The following ZNF782 variants were observed in gnomAD, a reference collection of about 807,000 sequenced individuals.
ZNF782 encodes the protein zinc finger protein 782.
In ZNF782, 12 loss-of-function variants were observed where a neutral mutation model predicts 13.0. The ratio of observed to expected loss-of-function variants is 0.92; its 90% confidence interval spans 0.59 to 1.50. The LOEUF (loss-of-function observed/expected upper bound fraction) is 1.50. Among genes scored for constraint, ZNF782 ranks in the 40% most tolerant of loss-of-function variants. The pLI is 0.00. For missense variants in ZNF782, 770 were observed against 822.9 expected, an observed-to-expected ratio of 0.94 and a Z score of 0.79; for synonymous variants, 284 against 283.0, an observed-to-expected ratio of 1.00 and a Z score of -0.04.
chr9:96,862,362 C>T (rs1382002008), intron 1 of ZNF782, among the ~76,000 whole-genome samples: 2 of 152,020 alleles, frequency 1.3e-5, no homozygotes, highest in East Asian at 3.8e-4. Context: ...TTTTATAGTG[C>T]CTAAAATAGT....
chr9:96,901,461 G>A, the ZNF782 span, among the ~76,000 whole-genome samples: 2 of 150,896 alleles, frequency 1.3e-5, no homozygotes, highest in East Asian at 4.1e-4. Context: ...TAGTAGAGAC[G>A]AGGTTTCATT....
At chr9:96,899,469 T>G in the ZNF782 span, among the ~76,000 whole-genome samples, 1 of 152,236 alleles carries the variant, frequency 6.6e-6, no homozygotes, top group Non-Finnish European at 1.5e-5. Flanking sequence ...GGAGCTCTCT[T>G]TAAAGATCTT....
At chr9:96,890,411 G>A in the ZNF782 span, 3 of 152,364 alleles carry the variant, frequency 2.0e-5, no homozygotes, top group Non-Finnish European at 4.4e-5. Context: ...TGGTGACAAG[G>A]GGTCCAGGGG....
At chr9:96,832,014 CATTTT>C (rs1254433344) in intron 4 of ZNF782, among the ~76,000 whole-genome samples, 1 of 151,872 alleles carries the variant, frequency 6.6e-6, no homozygotes, top group Non-Finnish European at 1.5e-5. Flanking sequence ...GATAAGCTGC[CATTTT>C]ATTTGTTTTT....
At chr9:96,846,788 C>A (rs1240909780) in intron 3 of ZNF782, among the ~76,000 whole-genome samples, 1 of 151,282 alleles carries the variant, frequency 6.6e-6, no homozygotes, top group Non-Finnish European at 1.5e-5. Context: ...CAGATCAAGA[C>A]AGAAAGCCAA....
intron 3 of ZNF782, among the ~76,000 whole-genome samples, chr9:96,848,375 C>T (rs1356728803): frequency 6.6e-6 from 1 of 152,156 alleles, no homozygotes; most frequent in East Asian, 1.9e-4. Flanking sequence ...AGTCAAACTA[C>T]TGCTGTTTGT....
chr9:96,923,840 T>C, the ZNF782 span, among the ~76,000 whole-genome samples: 4 of 144,738 alleles, frequency 2.8e-5, no homozygotes, highest in Non-Finnish European at 5.9e-5. Context: ...TGACCTTCTT[T>C]ACTTTTCCTT....
chr9:96,818,551 G>C lies in ZNF782; in HGVS notation c.1472C>G (p.Ser491Ter). The change falls in exon 6 of 6, where the codon TCA becomes TGA. Residue 491 changes from serine (S) to a stop codon, truncating the protein, a stop_gained. Coordinates refer to ENST00000481138, the MANE Select transcript of ZNF782 (RefSeq NM_001001662.3). LOFTEE classifies it low-confidence loss of function (END_TRUNC). Reference sequence around the variant, plus strand: ...AGTTCTTCGGTGATTCCTTAGGCCTGACATATGGCTGAAAGATTTCCCGCA... The same window carrying C: ...AGTTCTTCGGTGATTCCTTAGGCCTCACATATGGCTGAAAGATTTCCCGCA... ...NECGKSFSHM[S>*]GLRNHRRTHT... 1 of 1,613,800 alleles carries C rather than the reference G, an allele frequency of 6.2e-7. No individual in the cohort carries two copies. Among genetic ancestry groups the C allele is most frequent in the Non-Finnish European group, 8.5e-7 (1 of 1,179,946 alleles).
At chr9:96,912,682 T>C in the ZNF782 span, among the ~76,000 whole-genome samples, 1 of 151,378 alleles carries the variant, frequency 6.6e-6, no homozygotes, top group Non-Finnish European at 1.5e-5. Context: ...GCGTATGCCA[T>C]CACGCCTGGC....
upstream of ZNF782, among the ~76,000 whole-genome samples, chr9:96,876,738 G>A (rs559406315): frequency 3.3e-5 from 5 of 152,114 alleles, no homozygotes; most frequent in African/African-American, 1.2e-4. Context: ...GGGCGCTGTG[G>A]CTCACGCCTG....
At chr9:96,888,181 A>T in the ZNF782 span, 3 of 152,150 alleles carry the variant, frequency 2.0e-5, no homozygotes, top group Non-Finnish European at 4.4e-5. Context: ...AAAAAGAAAA[A>T]AAAAAAGAAA....
chr9:96,881,307 A>G, the ZNF782 span, among the ~76,000 whole-genome samples: 1 of 151,538 alleles, frequency 6.6e-6, no homozygotes, highest in East Asian at 1.9e-4. Flanking sequence ...TCTAGCTTTT[A>G]GTTTATTTTG....
chr9:96,834,077 T>C (rs777229140), intron 4 of ZNF782, among the ~76,000 whole-genome samples: 1 of 152,184 alleles, frequency 6.6e-6, no homozygotes, highest in Non-Finnish European at 1.5e-5. Flanking sequence ...GTCACGGGGC[T>C]GGATCCCTCA....
the ZNF782 span, among the ~76,000 whole-genome samples, chr9:96,913,041 C>T: frequency 2.0e-5 from 3 of 151,436 alleles, no homozygotes; most frequent in African/African-American, 4.8e-5. Flanking sequence ...TGGCTAGGCA[C>T]GGTGGCTCAC....
the ZNF782 span, chr9:96,895,791 G>C: frequency 3.3e-5 from 5 of 152,120 alleles, no homozygotes; most frequent in Non-Finnish European, 7.4e-5. Context: ...CTCTGTAGCT[G>C]CAGAATAATT....
intron 4 of ZNF782, among the ~76,000 whole-genome samples, chr9:96,828,474 T>C (rs1479451255): frequency 6.6e-6 from 1 of 152,166 alleles, no homozygotes; most frequent in Non-Finnish European, 1.5e-5. Context: ...TTACTAGGTA[T>C]GAACAGAAGC....
At chr9:96,875,411 C>T in intron 1 of ZNF782, 1 of 453,702 alleles carries the variant, frequency 2.2e-6, no homozygotes, top group Non-Finnish European at 4.4e-6. Flanking sequence ...GGCATTAACA[C>T]CCTCATTTTC....
upstream of ZNF782, among the ~76,000 whole-genome samples, chr9:96,879,746 T>C (rs1019818397): frequency 6.6e-6 from 1 of 152,226 alleles, no homozygotes; most frequent in African/African-American, 2.4e-5. Flanking sequence ...TTTGGAGCAA[T>C]TGTAATAAGC....
In ZNF782 at chr9:96,819,336, G is replaced by C. The variant is rs1449546852; in HGVS notation, c.687C>G (p.Ala229=). 1.9e-6 allele frequency: 3 copies of C among 1,602,594 alleles called. No individual in the cohort carries two copies. The highest frequency in any genetic ancestry group is 2.6e-6 in the Non-Finnish European group (3 of 1,176,292). ...ESRKAFLEKA[A]LVTSNSTHPK... The stretch of plus-strand genomic sequence containing the variant: ...GGTGGGTACTGTTAGATGTAACAAG[G>C]GCAGCCTTTTCAAGAAAAGCTTTTC... The change falls in exon 6 of 6, where the codon GCC becomes GCG. Residue 229 remains alanine, a synonymous_variant. Coordinates refer to ENST00000481138, the MANE Select transcript of ZNF782 (RefSeq NM_001001662.3).
Sources: gnomAD v4.1 joint callset for allele counts (sites outside exome capture counted in the v4.1 genomes callset) on GRCh38, gnomAD v4.1.1 for gene constraint, MANE v1.5 for transcripts, NCBI Gene and HGNC (gene_info 2026-07-23, HGNC 2026-07-21) for gene names.